The following EPC2 variants were observed in gnomAD, a reference collection of about 807,000 sequenced individuals.
EPC2 encodes enhancer of polycomb homolog 2.
In EPC2, 14 loss-of-function variants were observed where a neutral mutation model predicts 92.1. The observed-to-expected ratio is 0.15, with a 90% CI of 0.10 to 0.24. EPC2 has a LOEUF of 0.24. EPC2 is among the 10% of genes least tolerant of loss of function. The probability of loss-of-function intolerance (pLI) is 1.00; values close to 1 mark genes in which losing one functional copy is unlikely to be tolerated. For synonymous variants in EPC2, 340 were observed against 334.7 expected, an observed-to-expected ratio of 1.02 and a Z score of -0.17; for missense variants, 755 against 971.5, an observed-to-expected ratio of 0.78 and a Z score of 2.96.
At position 148,753,724 on chromosome 2, in the gene EPC2, C is replaced by T. The variant is rs908013790; in HGVS notation, c.460-203C>T. On this transcript the variant is annotated intron_variant, in intron 3 of 13. Coordinates refer to ENST00000258484, the MANE Select transcript of EPC2 (RefSeq NM_015630.4). ...TTATCAGTGGTACAACTCACTGTCTCTCAGGGAAAATTACTAATTTTTAGA... is the reference window on the plus strand; with the variant it reads ...TTATCAGTGGTACAACTCACTGTCTTTCAGGGAAAATTACTAATTTTTAGA... Among the ~76,000 whole-genome samples, 5 of 152,148 alleles carry T rather than the reference C, an allele frequency of 3.3e-5. No individual in the cohort carries two copies. In the East Asian group the frequency reaches 5.8e-4, roughly 18 times the overall value.
intron 2 of EPC2, chr2:148,691,924 C>CT: frequency 2.2e-6 from 1 of 447,090 alleles, no homozygotes; most frequent in Non-Finnish European, 4.3e-6. Context: ...AAGCATAAAG[C>CT]TTTTTTCTTT....
At chr2:148,768,427 G>A (rs778297141) in intron 7 of EPC2, among the ~76,000 whole-genome samples, 1 of 152,218 alleles carries the variant, frequency 6.6e-6, no homozygotes, top group Non-Finnish European at 1.5e-5. Flanking sequence ...ATTACATAGG[G>A]ATATTTGGCC....
At chr2:148,740,839 CTGTT>C (rs1468653153) in intron 2 of EPC2, among the ~76,000 whole-genome samples, 1 of 152,090 alleles carries the variant, frequency 6.6e-6, no homozygotes, top group Non-Finnish European at 1.5e-5. Flanking sequence ...ATTTTATTGA[CTGTT>C]TGCTGTTAGT....
intron 4 of EPC2, 51 bp downstream of exon 4, chr2:148,754,184 C>T: frequency 7.4e-7 from 1 of 1,348,720 alleles, no homozygotes; most frequent in South Asian, 1.4e-5. Context: ...TATTCAAGAT[C>T]AATCTTTTTT....
At chr2:148,684,504 G>A (rs1248735029) in intron 1 of EPC2, among the ~76,000 whole-genome samples, 2 of 152,178 alleles carry the variant, frequency 1.3e-5, no homozygotes, top group Non-Finnish European at 2.9e-5. Flanking sequence ...TGTATAAGGT[G>A]AAAGCTGAGG....
chr2:148,704,289 A>G (rs1052668678), intron 2 of EPC2, among the ~76,000 whole-genome samples: 5 of 152,224 alleles, frequency 3.3e-5, no homozygotes, highest in Admixed American at 2.6e-4. Flanking sequence ...ATAAGTCATT[A>G]TCTGAGGTAC....
intron 4 of EPC2, among the ~76,000 whole-genome samples, chr2:148,760,262 C>T (rs563349643): frequency 6.6e-6 from 1 of 152,144 alleles, no homozygotes; most frequent in Non-Finnish European, 1.5e-5. Context: ...GTCTCACATA[C>T]ACACAAACAC....
At chr2:148,650,766 G>GT (rs34706072) in intron 1 of EPC2, among the ~76,000 whole-genome samples, 26,977 of 152,018 alleles carry the variant, frequency 0.18, 3,475 homozygotes, top group East Asian at 0.48. Flanking sequence ...ATGCAGTTTT[G>GT]TAAGTTGATA....
At chr2:148,783,061 A>T (rs1683786617) in intron 11 of EPC2, among the ~76,000 whole-genome samples, 1 of 152,154 alleles carries the variant, frequency 6.6e-6, no homozygotes, top group African/African-American at 2.4e-5. Context: ...ATCCAGGTGG[A>T]TCTGGGACTT....
At chr2:148,698,712 T>TG (rs60455592) in intron 2 of EPC2, among the ~76,000 whole-genome samples, 2 of 144,382 alleles carry the variant, frequency 1.4e-5, no homozygotes, top group African/African-American at 5.0e-5. Flanking sequence ...TTTTTTTTTT[T>TG]GAGAAGCTGA....
chr2:148,674,703 G>A (rs1681229800), intron 1 of EPC2, among the ~76,000 whole-genome samples: 1 of 152,320 alleles, frequency 6.6e-6, no homozygotes, highest in South Asian at 2.1e-4. Context: ...TCTCCCAGTA[G>A]TGTTGATGTG....
intron 1 of EPC2, among the ~76,000 whole-genome samples, chr2:148,668,131 G>A (rs1349042267): frequency 2.0e-5 from 3 of 152,028 alleles, no homozygotes; most frequent in East Asian, 1.9e-4. Flanking sequence ...ACTCCTGTCC[G>A]TGTGATCCAC....
intron 5 of EPC2, 25 bp downstream of exon 5, chr2:148,761,955 T>C: frequency 1.3e-6 from 2 of 1,541,434 alleles, no homozygotes; most frequent in Non-Finnish European, 1.7e-6. Context: ...GTTACAACAG[T>C]AAAATGACAA....
chr2:148,690,042 C>T (rs566216087), intron 1 of EPC2, among the ~76,000 whole-genome samples, 172 bp from the exon 2 acceptor site: 79 of 152,102 alleles, frequency 5.2e-4, no homozygotes, highest in African/African-American at 1.9e-3. Flanking sequence ...GTATGAGCCA[C>T]GAGTATTAAG....
intron 2 of EPC2, among the ~76,000 whole-genome samples, chr2:148,719,094 C>T (rs1682317400): frequency 6.6e-6 from 1 of 152,070 alleles, no homozygotes; most frequent in Non-Finnish European, 1.5e-5. Flanking sequence ...TCCATCAGGT[C>T]ATTTATCTTC....
chr2:148,667,447 C>G (rs1161287339), intron 1 of EPC2, among the ~76,000 whole-genome samples: 1 of 152,164 alleles, frequency 6.6e-6, no homozygotes, highest in African/African-American at 2.4e-5. Context: ...TATAGAATTA[C>G]AGTAGATTTT....
At chr2:148,705,193 A>G (rs1681968397) in intron 2 of EPC2, among the ~76,000 whole-genome samples, 1 of 152,178 alleles carries the variant, frequency 6.6e-6, no homozygotes, top group Non-Finnish European at 1.5e-5. Context: ...CCTAATTTAT[A>G]TGAACTGGCC....
intron 1 of EPC2, among the ~76,000 whole-genome samples, chr2:148,650,685 C>G (rs1040709370): frequency 6.6e-5 from 10 of 152,012 alleles, no homozygotes; most frequent in African/African-American, 2.2e-4. Context: ...GAATATAATC[C>G]TGATTGATAC....
chr2:148,742,286 A>G (rs188490715), intron 2 of EPC2, among the ~76,000 whole-genome samples: 4 of 152,358 alleles, frequency 2.6e-5, no homozygotes, highest in African/African-American at 9.6e-5. Context: ...ACTAAATACC[A>G]GTTTATAATT....
Sources: allele counts gnomAD v4.1 joint callset (sites outside exome capture counted in the v4.1 genomes callset), GRCh38; gene constraint gnomAD v4.1.1; transcripts MANE v1.5; gene names NCBI Gene and HGNC (gene_info 2026-07-23, HGNC 2026-07-21).